The following CAPN8 variants were observed in gnomAD, a reference collection of about 807,000 sequenced individuals.
CAPN8 encodes calpain-8.
In CAPN8, 87 loss-of-function variants were observed where a neutral mutation model predicts 80.9. The observed-to-expected ratio is 1.07, with a 90% CI of 0.90 to 1.28. CAPN8 has a LOEUF of 1.28. Ranked by LOEUF, CAPN8 falls within the 50% of genes most tolerant of loss-of-function variation. The pLI, the probability that CAPN8 is intolerant of heterozygous loss-of-function variation, is 0.00. For synonymous variants in CAPN8, 299 were observed against 273.8 expected (o/e 1.09, Z -0.91); for missense variants, 757 against 702.0 (o/e 1.08, Z -0.89).
rs138483593 is a variant in CAPN8 at position 223,628,149 on chromosome 1, A to AG, written c.427-8dup. 6.5e-6 allele frequency: 10 copies of AG among 1,540,174 alleles called. No individual in the cohort carries two copies. Among genetic ancestry groups the AG allele is most frequent in the Middle Eastern group, 1.7e-4 (1 of 5,900 alleles). On this transcript the variant is annotated splice_polypyrimidine_tract_variant and splice_region_variant and intron_variant, in intron 3 of 20. Coordinates refer to ENST00000366872, the MANE Select transcript of CAPN8 (RefSeq NM_001143962.2). ...ACTCTCCGTACTGCCAGAACTGGGG[A>AG]GGGGGGACACAGCGGCTGCTCACAT...
In CAPN8 at chr1:223,544,800, G is replaced by T. The variant is rs749608779; in HGVS notation, c.1884C>A (p.His628Gln). ...DYNHSGTIDA[H>Q]EMRTALRKAG... ...CCTTCCTGAGGGCTGTCCTCATCTC[G>T]TGGGCATCGATGGTGCCCGAGTGGT... The change falls in exon 18 of 21, where the codon CAC (histidine) becomes CAA (glutamine). Residue 628 changes from histidine to glutamine, a missense_variant. Coordinates refer to ENST00000366872, the MANE Select transcript of CAPN8 (RefSeq NM_001143962.2). The T allele has an allele frequency of 2.1e-5, 32 of 1,551,642 alleles. No homozygotes were observed. The highest frequency in any genetic ancestry group is 2.7e-5 in the Non-Finnish European group (31 of 1,147,000).
rs2102711749 is a variant in CAPN8, at chr1:223,625,890, T to A, written c.730-2A>T. ...TTCGGCTTCGGCTGCACTGGAGACC[T>A]GCGTAGAGAAGAAAGTCCACTCAGT... On this transcript the variant is annotated splice_acceptor_variant, in intron 5 of 20. Transcript: ENST00000366872. LOFTEE classifies it high-confidence loss of function. 1 of 1,549,944 alleles carries A rather than the reference T, an allele frequency of 6.5e-7. No individual in the cohort carries two copies. The highest frequency in any genetic ancestry group is 8.7e-7 in the Non-Finnish European group (1 of 1,145,556).
chr1:223,654,678 T>C, intron 1 of CAPN8, among the ~76,000 whole-genome samples: 1 of 152,040 alleles, frequency 6.6e-6, no homozygotes, highest in Non-Finnish European at 1.5e-5. Flanking sequence ...TTTATTTTAT[T>C]TTATTTTAAG....
chr1:223,618,902 A>T (rs1657287449), intron 9 of CAPN8, among the ~76,000 whole-genome samples: 1 of 152,182 alleles, frequency 6.6e-6, no homozygotes, highest in South Asian at 2.1e-4. Context: ...AAAGATTAAC[A>T]CATAGGGCTG....
intron 2 of CAPN8, among the ~76,000 whole-genome samples, chr1:223,632,257 T>C (rs1212972029): frequency 6.6e-6 from 1 of 152,250 alleles, no homozygotes; most frequent in East Asian, 1.9e-4. Flanking sequence ...TATATCCAAA[T>C]GTGCTTCCCT....
At chr1:223,544,652 C>T in intron 18 of CAPN8, 120 bp downstream of exon 18, 1 of 1,410,422 alleles carries the variant, frequency 7.1e-7, no homozygotes, top group Non-Finnish European at 9.6e-7. Context: ...CTGTTGTTGC[C>T]TTGATATCCC....
At chr1:223,557,539 C>T (rs1364731073) in intron 13 of CAPN8, among the ~76,000 whole-genome samples, 5 of 152,170 alleles carry the variant, frequency 3.3e-5, no homozygotes, top group South Asian at 2.1e-4. Flanking sequence ...CTGAGAACAA[C>T]GACAGTACAT....
intron 16 of CAPN8, among the ~76,000 whole-genome samples, chr1:223,547,803 G>A (rs931814137): frequency 3.9e-5 from 6 of 152,188 alleles, no homozygotes; most frequent in African/African-American, 7.2e-5. Flanking sequence ...TAGATTACAA[G>A]GCAACTCTCA....
chr1:223,644,888 G>GT lies in CAPN8; in HGVS notation c.307+9441dup, dbSNP rs549228332. 7.2e-5 allele frequency among the ~76,000 whole-genome samples: 11 copies of GT among 152,272 alleles called. No homozygotes were observed. In the South Asian group the frequency reaches 1.2e-3, roughly 17 times the overall value. On this transcript the variant is annotated intron_variant, in intron 2 of 20. Coordinates refer to ENST00000366872, the MANE Select transcript of CAPN8 (RefSeq NM_001143962.2). Reference sequence around the variant, plus strand: ...AGTTAATCCTTCCCTAGATCCCTCTGTATTAGTCAGGGTTCTCTAGAGGGA... The same window carrying GT: ...AGTTAATCCTTCCCTAGATCCCTCTGTTATTAGTCAGGGTTCTCTAGAGGGA...
chr1:223,618,087 T>G (rs1024935264), intron 9 of CAPN8: 1 of 731,536 alleles, frequency 1.4e-6, no homozygotes, highest in African/African-American at 1.8e-5. Flanking sequence ...AGAAAGTGAC[T>G]GGCCCTGCCC....
intron 2 of CAPN8, among the ~76,000 whole-genome samples, chr1:223,653,514 TG>T (rs1417119614): frequency 3.3e-5 from 5 of 152,104 alleles, no homozygotes; most frequent in African/African-American, 1.2e-4. Context: ...CTGTTTGTTT[TG>T]CTGATTTTCA....
At chr1:223,553,724 C>G in intron 14 of CAPN8, 108 bp downstream of exon 14, 1 of 398,072 alleles carries the variant, frequency 2.5e-6, no homozygotes, top group Non-Finnish European at 4.4e-6. Flanking sequence ...AGACCTGAGT[C>G]TCACCCTTTT....
chr1:223,556,266 A>C (rs942707176), intron 13 of CAPN8, among the ~76,000 whole-genome samples: 152,336 of 152,344 alleles, frequency 1, 76,164 homozygotes, highest in Non-Finnish European at 1. Flanking sequence ...TCTGTAAAGT[A>C]CTGAGTCCCC....
At chr1:223,633,663 A>G (rs1657837027) in intron 2 of CAPN8, among the ~76,000 whole-genome samples, 1 of 152,238 alleles carries the variant, frequency 6.6e-6, no homozygotes, top group African/African-American at 2.4e-5. Flanking sequence ...CGCCGCCTCA[A>G]AAAGAAAAAA....
intron 6 of CAPN8, among the ~76,000 whole-genome samples, chr1:223,623,751 T>C (rs1657473273): frequency 6.6e-6 from 1 of 152,160 alleles, no homozygotes; most frequent in African/African-American, 2.4e-5. Flanking sequence ...ATCCCAGCAC[T>C]TTGGGAGGCC....
rs141900426 is a variant in CAPN8 at position 223,648,750 on chromosome 1, C to T, written c.307+5580G>A. On this transcript the variant is annotated intron_variant, in intron 2 of 20. Transcript: ENST00000366872. The stretch of plus-strand genomic sequence containing the variant: ...TACAGAATATAAAACTCAATAAATG[C>T]AACAAAAATGAAAAAGACATCCATT... Among the ~76,000 whole-genome samples the T allele has an allele frequency of 5.1e-4, 78 of 152,074 alleles. No homozygotes were observed. In the East Asian group the frequency reaches 0.014, roughly 27 times the overall value.
intron 9 of CAPN8, 41 bp downstream of exon 9, chr1:223,619,252 T>A: frequency 2.6e-6 from 4 of 1,548,332 alleles, no homozygotes; most frequent in Non-Finnish European, 3.5e-6. Context: ...TCAGGGAGGA[T>A]AAGCTGGAGG....
intron 6 of CAPN8, among the ~76,000 whole-genome samples, chr1:223,624,375 C>T (rs1028402434): frequency 6.6e-6 from 1 of 152,138 alleles, no homozygotes; most frequent in African/African-American, 2.4e-5. Context: ...ATGTATTTTA[C>T]TTAGTTGTGT....
At chr1:223,642,763 G>A (rs1658077965) in intron 2 of CAPN8, 3 of 454,364 alleles carry the variant, frequency 6.6e-6, no homozygotes, top group Admixed American at 4.7e-5. Context: ...GAAGAAACTT[G>A]TTCAGATTAT....
Sources: allele counts gnomAD v4.1 joint callset (sites outside exome capture counted in the v4.1 genomes callset), GRCh38; gene constraint gnomAD v4.1.1; transcripts MANE v1.5; gene names NCBI Gene and HGNC (gene_info 2026-07-23, HGNC 2026-07-21).